The following UPK1B variants were observed in gnomAD, a reference collection of about 807,000 sequenced individuals.
UPK1B encodes uroplakin-1b.
A neutral mutation model predicts 34.2 loss-of-function variants in UPK1B; 28 were observed. The observed-to-expected ratio is 0.82, with a 90% CI of 0.61 to 1.12. The LOEUF is 1.12. UPK1B is among the 50% of genes most tolerant of loss of function. UPK1B has a pLI of 0.00. For synonymous variants in UPK1B, 81 were observed against 110.4 expected, an observed-to-expected ratio of 0.73 and a Z score of 1.67; for missense variants, 325 against 320.9, an observed-to-expected ratio of 1.01 and a Z score of -0.10.
At chr3:119,190,911 G>GA in intron 4 of UPK1B, 71 bp from the exon 5 acceptor site, 1 of 1,590,496 alleles carries the variant, frequency 6.3e-7, no homozygotes, top group Non-Finnish European at 8.6e-7. Context: ...AAAAGACAGA[G>GA]AAAAATATTT....
In UPK1B at chr3:119,179,364, T is replaced by TAG. The variant is rs1314337078; in HGVS notation, c.-29+5727_-29+5728insGA. ...AGAGAGAGAGGGAGATATATATATA[T>TAG]ATATATATATATATATATATATATA... is the stretch of plus-strand genomic sequence containing the variant. On this transcript the variant is annotated intron_variant, in intron 1 of 7. Transcript: ENST00000264234. 7.0e-4 allele frequency among the ~76,000 whole-genome samples: 31 copies of TAG among 44,140 alleles called. 1 individual carries two copies. Among genetic ancestry groups the TAG allele is most frequent in the African/African-American group, 2.9e-3 (25 of 8,716 alleles). The allele number at this position is 44,140 out of a possible 152,430, so 29.0% of individuals were successfully genotyped here. A position where few individuals can be genotyped will look rare whatever the true frequency, so the allele number is the denominator to read the frequency against.
At chr3:119,190,106 G>A in intron 3 of UPK1B, 139 bp from the exon 4 acceptor site, 1 of 605,370 alleles carries the variant, frequency 1.7e-6, no homozygotes, top group Admixed American at 3.1e-5. Flanking sequence ...CAAGCCACTG[G>A]TCAATGAGGG....
rs1576868833 is a variant in UPK1B, at chr3:119,187,821, A to G, written c.116A>G (p.Asp39Gly). 1.2e-6 allele frequency: 2 copies of G among 1,612,800 alleles called. No individual in the cohort carries two copies. The highest frequency in any genetic ancestry group is 8.5e-7 in the Non-Finnish European group (1 of 1,179,864). The change falls in exon 3 of 8, where the codon GAC becomes GGC. Residue 39 changes from aspartate to glycine, a missense_variant. By Grantham distance (94) the Asp-to-Gly change is moderately conservative. Coordinates refer to ENST00000264234, the MANE Select transcript of UPK1B (RefSeq NM_006952.4). ...GCGGAGTGCATCTTCTTTGTATCTGACCAACACAGCCTCTACCCACTGCTT... is the reference window on the plus strand; with the variant it reads ...GCGGAGTGCATCTTCTTTGTATCTGGCCAACACAGCCTCTACCCACTGCTT... ...LTAECIFFVSDQHSLYPLLEA... is the reference protein window; with the variant it reads ...LTAECIFFVSGQHSLYPLLEA...
chr3:119,194,089 G>T, intron 5 of UPK1B, 130 bp from the exon 6 acceptor site: 1 of 886,332 alleles, frequency 1.1e-6, no homozygotes, highest in South Asian at 2.1e-5. Context: ...CTGTCATTTG[G>T]GGATTTCTTA....
chr3:119,185,791 A>G (rs2078015205), intron 1 of UPK1B, among the ~76,000 whole-genome samples: 2 of 152,256 alleles, frequency 1.3e-5, no homozygotes, highest in African/African-American at 4.8e-5. Flanking sequence ...AGGTGCTTCA[A>G]GTGCAGAAGC....
chr3:119,196,321 G>T (rs7612846), intron 6 of UPK1B, among the ~76,000 whole-genome samples: 1 of 151,626 alleles, frequency 6.6e-6, no homozygotes, highest in East Asian at 1.9e-4. Context: ...GCTACCCCAA[G>T]ACCTGGTATA....
At chr3:119,188,065 G>A in intron 3 of UPK1B, 90 bp downstream of exon 3, 1 of 1,391,042 alleles carries the variant, frequency 7.2e-7, no homozygotes. Flanking sequence ...GGCTTTCAGT[G>A]GGGGAGCAGG....
At chr3:119,188,110 T>C in intron 3 of UPK1B, 135 bp downstream of exon 3, 1 of 924,540 alleles carries the variant, frequency 1.1e-6, no homozygotes, top group Non-Finnish European at 1.7e-6. Flanking sequence ...GGGAAGACTT[T>C]CCCTGCAGTG....
At chr3:119,182,026 G>T (rs73854424) in intron 1 of UPK1B, among the ~76,000 whole-genome samples, 13,873 of 152,296 alleles carry the variant, frequency 0.091, 651 homozygotes, top group South Asian at 0.12. Context: ...AAGGCAGAGG[G>T]ATGAGGCCCA....
intron 6 of UPK1B, among the ~76,000 whole-genome samples, chr3:119,197,505 T>C (rs1014087274): frequency 3.3e-5 from 5 of 152,210 alleles, no homozygotes; most frequent in Non-Finnish European, 5.9e-5. Flanking sequence ...CTCCCAGGAT[T>C]GTTGGGAGGA....
chr3:119,192,298 C>A (rs1249512109), intron 5 of UPK1B, among the ~76,000 whole-genome samples: 2 of 151,966 alleles, frequency 1.3e-5, no homozygotes, highest in African/African-American at 4.8e-5. Context: ...CAGGTCCAGC[C>A]CCATAGCCAG....
intron 3 of UPK1B, among the ~76,000 whole-genome samples, chr3:119,189,258 C>T (rs1378608738): frequency 6.6e-6 from 1 of 152,212 alleles, no homozygotes; most frequent in East Asian, 1.9e-4. Context: ...GAAGGTGCTC[C>T]TGCTGTTGAC....
In UPK1B at chr3:119,191,077, C is replaced by G; in HGVS notation, c.441C>G (p.Thr147=). The change falls in exon 5 of 8, where the codon ACC becomes ACG. Residue 147 remains threonine (T), a synonymous_variant. Coordinates refer to ENST00000264234, the MANE Select transcript of UPK1B (RefSeq NM_006952.4). ...ACCAGTGGAAAAACAATGGAGTCAC[C>G]AAAACCTGGGACAGGCTCATGCTCC... ...NDDQWKNNGV[T]KTWDRLMLQD... 3 of 1,613,960 alleles carry G rather than the reference C, an allele frequency of 1.9e-6. No individual in the cohort carries two copies. The highest frequency in any genetic ancestry group is 2.5e-6 in the Non-Finnish European group (3 of 1,179,908).
intron 1 of UPK1B, among the ~76,000 whole-genome samples, chr3:119,181,979 A>T (rs1344420552): frequency 6.6e-6 from 1 of 152,218 alleles, no homozygotes; most frequent in Non-Finnish European, 1.5e-5. Flanking sequence ...TCTCTGCATC[A>T]ACTTGCAGTG....
rs2078112863 is a variant in UPK1B, at chr3:119,204,901, T to C, written c.*934T>C. The C allele has an allele frequency of 6.6e-6, 1 of 152,250 alleles. No individual in the cohort carries two copies. The highest frequency in any genetic ancestry group is 2.4e-5 in the African/African-American group (1 of 41,432). 9.4% of individuals were successfully genotyped at this position (152,250 alleles called of 1,614,324 possible). A position where few individuals can be genotyped will look rare whatever the true frequency, so the allele number is the denominator to read the frequency against. ...AAACAAACAAAAAAGCGTGGGGACT[T>C]CTGGGGACAGACAAGGTGCCTGTTA... On this transcript the variant is annotated 3_prime_UTR_variant, in exon 8 of 8. Transcript: ENST00000264234.
In UPK1B at chr3:119,187,919, C is replaced by T. The variant is rs375059095; in HGVS notation, c.214C>T (p.Leu72=). The T allele has an allele frequency of 3.7e-6, 6 of 1,614,010 alleles. No homozygotes were observed. In the African/African-American group the frequency reaches 8.0e-5, roughly 22 times the overall value. Residue 72 remains leucine (L), a synonymous_variant, in exon 3 of 8, where the codon CTG becomes TTG. Coordinates refer to ENST00000264234, the MANE Select transcript of UPK1B (RefSeq NM_006952.4). ...GIFVGICLFC[L]SVLGIVGIMK... ...ATTTGTGGGCATCTGCCTCTTCTGC[C>T]TGTCTGTTCTAGGCATTGTAGGCAT...
chr3:119,183,215 C>T (rs1400659526), intron 1 of UPK1B, among the ~76,000 whole-genome samples: 2 of 151,824 alleles, frequency 1.3e-5, no homozygotes, highest in Non-Finnish European at 2.9e-5. Context: ...AGCTTCTGCA[C>T]TTTCTAGCAA....
chr3:119,184,823 T>G (rs1399876880), intron 1 of UPK1B, among the ~76,000 whole-genome samples: 2 of 152,190 alleles, frequency 1.3e-5, no homozygotes, highest in Non-Finnish European at 2.9e-5. Flanking sequence ...CGGTGCTGAA[T>G]TTGGCCTCTA....
At chr3:119,179,352 GATATATAT>G (rs60685268) in intron 1 of UPK1B, among the ~76,000 whole-genome samples, 1,524 of 46,710 alleles carry the variant, frequency 0.033, 33 homozygotes, top group Admixed American at 0.055. Flanking sequence ...GAGAGAGGGA[GATATATAT>G]ATATATATAT....
Sources: allele counts gnomAD v4.1 joint callset (sites outside exome capture counted in the v4.1 genomes callset), GRCh38; gene constraint gnomAD v4.1.1; transcripts MANE v1.5; gene names NCBI Gene and HGNC (gene_info 2026-07-23, HGNC 2026-07-21).